TMEM107: variants seen among roughly 807,000 people sequenced by gnomAD.
TMEM107 encodes the protein transmembrane protein 107.
Under a neutral mutation model 16.8 loss-of-function variants are expected in TMEM107, and 18 were observed. The ratio of observed to expected loss-of-function variants is 1.07; its 90% CI spans 0.74 to 1.59. The LOEUF (loss-of-function observed/expected upper bound fraction) is 1.59, where lower values mean the gene tolerates loss of function less well. TMEM107 is among the 40% of genes most tolerant of loss of function. The pLI is 0.00. For synonymous variants in TMEM107, 68 were observed against 71.6 expected (o/e 0.95, Z 0.25); for missense variants, 152 against 175.4 (o/e 0.87, Z 0.75).
rs796255132 is a variant in TMEM107 at position 8,173,351 on chromosome 17, CAAA to C, written c.*849_*851del. ...TAGACAAACAGCAATAGCAAGACTG[CAAA>C]ATAGACAAACAGCAAGGTTATCCCA... On this transcript the variant is annotated 3_prime_UTR_variant, in exon 5 of 5. Transcript: ENST00000437139. The C allele has an allele frequency of 3.8e-5, 23 of 605,434 alleles. No individual in the cohort carries two copies. The African/African-American group carries it at 3.9e-4, about 10-fold the overall frequency. The allele number at this position is 605,434 out of a possible 1,614,324, so 37.5% of individuals were successfully genotyped here. A position where few individuals can be genotyped will look rare whatever the true frequency, so the allele number is the denominator to read the frequency against.
Position 8,172,789 on chromosome 17 carries a change from T to C in TMEM107, c.*1414A>G, listed in dbSNP as rs1983633138. Among the ~76,000 whole-genome samples the C allele has an allele frequency of 7.1e-6, 1 of 140,216 alleles. No individual in the cohort carries two copies. Among genetic ancestry groups the C allele is most frequent in the Admixed American group, 7.9e-5 (1 of 12,716 alleles). The allele number at this position is 140,216 out of a possible 152,430, so 92.0% of individuals were successfully genotyped here. The stretch of plus-strand genomic sequence containing the variant: ...TCATCTGAGCCTGGGAGTTTGAGGC[T>C]GCAGTGAGCCATGATCCCACCACTG... On this transcript the variant is annotated 3_prime_UTR_variant, in exon 5 of 5. Transcript: ENST00000437139.
chr17:8,174,483 T>G, intron 4 of TMEM107, 37 bp downstream of exon 4: 1 of 1,600,482 alleles, frequency 6.2e-7, no homozygotes, highest in Non-Finnish European at 8.6e-7. Flanking sequence ...AGGGCCAACC[T>G]TCCTCCCTCA....
chr17:8,172,605 G>A lies in TMEM107; in HGVS notation c.*1598C>T, dbSNP rs1011679737. ...ATGCCTGTATCCTAGCACTTTAGGA[G>A]GCCTAGAGGCCTAGTGGGGAGGACG... is the stretch of plus-strand genomic sequence containing the variant. On this transcript the variant is annotated 3_prime_UTR_variant, in exon 5 of 5. Transcript: ENST00000437139. Among the ~76,000 whole-genome samples, 4 of 151,998 alleles carry A rather than the reference G, an allele frequency of 2.6e-5. No individual in the cohort carries two copies. Among genetic ancestry groups the A allele is most frequent in the Admixed American group, 2.6e-4 (4 of 15,248 alleles).
At position 8,173,825 on chromosome 17, in the gene TMEM107, T is replaced by C. The variant is rs1399351262; in HGVS notation, c.*378A>G. On this transcript the variant is annotated 3_prime_UTR_variant, in exon 5 of 5. Transcript: ENST00000437139. ...TGCCGGACGTTCTAACTGTACGCAC[T>C]TTCTATTTACATATCTCCGCCCACT... 4.0e-6 allele frequency: 2 copies of C among 498,242 alleles called. No individual in the cohort carries two copies. Among genetic ancestry groups the C allele is most frequent in the African/African-American group, 2.0e-5 (1 of 51,220 alleles). The allele number at this position is 498,242 out of a possible 1,614,324, so 30.9% of individuals were successfully genotyped here.
At chr17:8,174,859 A>T in intron 3 of TMEM107, 1 of 519,248 alleles carries the variant, frequency 1.9e-6, no homozygotes. Context: ...GCCAGCCTGG[A>T]TCCTTCAGAT....
chr17:8,175,836 G>A lies in TMEM107; in HGVS notation c.177C>T (p.Val59=). The change falls in exon 3 of 5, where the codon GTC becomes GTT. Residue 59 remains valine (V), a synonymous_variant. Transcript: ENST00000437139. The part of the protein sequence containing the change: ...QDIQLVAALS[V]TLGLFAVELA... ...GCTCCACTGCAAAGAGGCCCAGGGT[G>A]ACAGAGAGCGCGGCCACCAGCCTGC... is the stretch of plus-strand genomic sequence containing the variant. The A allele has an allele frequency of 6.2e-7, 1 of 1,614,208 alleles. No individual in the cohort carries two copies. The highest frequency in any genetic ancestry group is 1.1e-5 in the South Asian group (1 of 91,084).
Position 8,173,974 on chromosome 17 carries a change from C to A in TMEM107, c.*229G>T. The A allele has an allele frequency of 1.8e-6, 1 of 543,314 alleles. No homozygotes were observed. Among genetic ancestry groups the A allele is most frequent in the Non-Finnish European group, 3.3e-6 (1 of 305,448 alleles). The allele number at this position is 543,314 out of a possible 1,614,324, so 33.7% of individuals were successfully genotyped here. ...CAGTAGTTCAGCCATCTCAATTGTC[C>A]CCTAAAACTGTATATAAGTCTTAAT... On this transcript the variant is annotated 3_prime_UTR_variant, in exon 5 of 5. Coordinates refer to ENST00000437139, the MANE Select transcript of TMEM107 (RefSeq NM_183065.4).
In TMEM107 at chr17:8,175,943, C is replaced by G. The variant is rs755941285; in HGVS notation, c.155+16G>C. On this transcript the variant is annotated intron_variant, in intron 2 of 4. Transcript: ENST00000437139. ...CACCACCTCTTCGTTCTGGCCACCC[C>G]GTCCCAAGAGCTCACTGAATGTCCT... The G allele has an allele frequency of 6.2e-7, 1 of 1,614,210 alleles. No individual in the cohort carries two copies.
rs1567550049 is a variant in TMEM107, at chr17:8,173,471, A to G, written c.*732T>C. On this transcript the variant is annotated 3_prime_UTR_variant, in exon 5 of 5. Transcript: ENST00000437139. ...CAGAAAGAATCAGACAGGAGCAATC[A>G]GGGTGTTGCAAGTCCTGATTACGCA... The G allele has an allele frequency of 1.3e-6, 1 of 764,646 alleles. No individual in the cohort carries two copies. The highest frequency in any genetic ancestry group is 1.7e-5 in the Admixed American group (1 of 58,994). 47.4% of individuals were successfully genotyped at this position (764,646 alleles called of 1,614,324 possible). A position where few individuals can be genotyped will look rare whatever the true frequency, so the allele number is the denominator to read the frequency against.
chr17:8,173,116 C>A lies in TMEM107; in HGVS notation c.*1087G>T. ...CCTCAAGGAAAAAGAAATACAGTTCCTATTGAATACCATCCTGAGGGCAAC... is the reference window on the plus strand; with the variant it reads ...CCTCAAGGAAAAAGAAATACAGTTCATATTGAATACCATCCTGAGGGCAAC... On this transcript the variant is annotated 3_prime_UTR_variant, in exon 5 of 5. Coordinates refer to ENST00000437139, the MANE Select transcript of TMEM107 (RefSeq NM_183065.4). 4.4e-6 allele frequency: 1 copy of A among 229,186 alleles called. No homozygotes were observed. The highest frequency in any genetic ancestry group is 8.7e-6 in the Non-Finnish European group (1 of 114,488). The allele number at this position is 229,186 out of a possible 1,614,324, so 14.2% of individuals were successfully genotyped here.
Position 8,173,263 on chromosome 17 carries a change from C to A in TMEM107, c.*940G>T. Reference sequence around the variant, plus strand: ...TTGTATTATTTCACTGCCTAAATTCCAGAAAGCAACAAAAACCAAATCACA... The same window carrying A: ...TTGTATTATTTCACTGCCTAAATTCAAGAAAGCAACAAAAACCAAATCACA... On this transcript the variant is annotated 3_prime_UTR_variant, in exon 5 of 5. Transcript: ENST00000437139. 1 of 511,414 alleles carries A rather than the reference C, an allele frequency of 2.0e-6. No individual in the cohort carries two copies. The allele number at this position is 511,414 out of a possible 1,614,324, so 31.7% of individuals were successfully genotyped here.
Position 8,173,539 on chromosome 17 carries a change from T to TG in TMEM107, c.*663_*664insC, listed in dbSNP as rs763286690. The TG allele has an allele frequency of 1.8e-3, 1,415 of 765,440 alleles. 4 individuals carry two copies. Among genetic ancestry groups the TG allele is most frequent in the Non-Finnish European group, 2.9e-3 (1,219 of 418,006 alleles). The allele number at this position is 765,440 out of a possible 1,614,324, so 47.4% of individuals were successfully genotyped here. On this transcript the variant is annotated 3_prime_UTR_variant, in exon 5 of 5. Coordinates refer to ENST00000437139, the MANE Select transcript of TMEM107 (RefSeq NM_183065.4). Reference sequence around the variant, plus strand: ...TCATGCATCTCCAATCATCATGTTCTAATCTGCCCTCCGGAGGAGGAACAG... The same window carrying TG: ...TCATGCATCTCCAATCATCATGTTCTGAATCTGCCCTCCGGAGGAGGAACAG...
chr17:8,174,284 A>G lies in TMEM107; in HGVS notation c.354-12T>C, dbSNP rs1288491257. On this transcript the variant is annotated splice_polypyrimidine_tract_variant and intron_variant, in intron 4 of 4. Transcript: ENST00000437139. The stretch of plus-strand genomic sequence containing the variant: ...CAGCTGGAAGGGCACTACCAAGGCA[A>G]GTGGTAGATTCAGAAACCCTTTCAG... The G allele has an allele frequency of 1.2e-6, 2 of 1,612,112 alleles. No homozygotes were observed. The highest frequency in any genetic ancestry group is 4.5e-5 in the East Asian group (2 of 44,882).
In TMEM107 at chr17:8,173,374, A is replaced by T. The variant is rs867849496; in HGVS notation, c.*829T>A. 1.5e-6 allele frequency: 1 copy of T among 670,916 alleles called. No homozygotes were observed. Among genetic ancestry groups the T allele is most frequent in the South Asian group, 1.6e-5 (1 of 60,616 alleles). 41.6% of individuals were successfully genotyped at this position (670,916 alleles called of 1,614,324 possible). ...TGCAAAATAGACAAACAGCAAGGTT[A>T]TCCCAGTCAGAACTTCATAGCTATG... On this transcript the variant is annotated 3_prime_UTR_variant, in exon 5 of 5. Transcript: ENST00000437139.
chr17:8,176,357 G>T lies in TMEM107; in HGVS notation c.-71C>A, dbSNP rs557609856. 1.2e-5 allele frequency: 15 copies of T among 1,284,920 alleles called. No homozygotes were observed. The highest frequency in any genetic ancestry group is 2.4e-5 in the East Asian group (1 of 40,920). The allele number at this position is 1,284,920 out of a possible 1,614,324, so 79.6% of individuals were successfully genotyped here. ...AGACAGCGACTCCTGAAGTCTCCCC[G>T]CAAGCCGACAAATCTAGACGAACGC... is the stretch of plus-strand genomic sequence containing the variant. On this transcript the variant is annotated 5_prime_UTR_variant, in exon 1 of 5. Coordinates refer to ENST00000437139, the MANE Select transcript of TMEM107 (RefSeq NM_183065.4).
At chr17:8,174,355 G>C in intron 4 of TMEM107, 83 bp from the exon 5 acceptor site, 1 of 1,401,588 alleles carries the variant, frequency 7.1e-7, no homozygotes, top group Admixed American at 1.7e-5. Context: ...CTCTGAAAGT[G>C]TAGGGCAGGT....
Position 8,172,884 on chromosome 17 carries a change from G to T in TMEM107, c.*1319C>A, listed in dbSNP as rs1043174809. ...AAAAAAAAAAAAAAAAACCAAAAGA[G>T]GGGGGTGGTCAACATACCATATGCT... is the stretch of plus-strand genomic sequence containing the variant. On this transcript the variant is annotated 3_prime_UTR_variant, in exon 5 of 5. Transcript: ENST00000437139. 1.5e-5 allele frequency among the ~76,000 whole-genome samples: 2 copies of T among 131,656 alleles called. No individual in the cohort carries two copies. Among genetic ancestry groups the T allele is most frequent in the African/African-American group, 2.9e-5 (1 of 34,560 alleles). 86.4% of individuals were successfully genotyped at this position (131,656 alleles called of 152,430 possible).
Position 8,173,452 on chromosome 17 carries a change from G to GAATCAGACAGGAGC in TMEM107, c.*737_*750dup. 1.3e-6 allele frequency: 1 copy of GAATCAGACAGGAGC among 762,934 alleles called. No homozygotes were observed. Among genetic ancestry groups the GAATCAGACAGGAGC allele is most frequent in the Non-Finnish European group, 2.4e-6 (1 of 417,158 alleles). The allele number at this position is 762,934 out of a possible 1,614,324, so 47.3% of individuals were successfully genotyped here. On this transcript the variant is annotated 3_prime_UTR_variant, in exon 5 of 5. Coordinates refer to ENST00000437139, the MANE Select transcript of TMEM107 (RefSeq NM_183065.4). Reference sequence around the variant, plus strand: ...CACAAATGTAAGTGATCGTCAGAAAGAATCAGACAGGAGCAATCAGGGTGT... The same window carrying GAATCAGACAGGAGC: ...CACAAATGTAAGTGATCGTCAGAAAGAATCAGACAGGAGCAATCAGACAGGAGCAATCAGGGTGT...
rs374183932 is a variant in TMEM107 at position 8,173,509 on chromosome 17, A to G, written c.*694T>C. Reference sequence around the variant, plus strand: ...TCCTGATTACGCAGAGACGTTAATCACGTTTCATGCATCTCCAATCATCAT... The same window carrying G: ...TCCTGATTACGCAGAGACGTTAATCGCGTTTCATGCATCTCCAATCATCAT... On this transcript the variant is annotated 3_prime_UTR_variant, in exon 5 of 5. Coordinates refer to ENST00000437139, the MANE Select transcript of TMEM107 (RefSeq NM_183065.4). 5.2e-6 allele frequency: 4 copies of G among 765,256 alleles called. No individual in the cohort carries two copies. Among genetic ancestry groups the G allele is most frequent in the African/African-American group, 3.4e-5 (2 of 59,138 alleles). 47.4% of individuals were successfully genotyped at this position (765,256 alleles called of 1,614,324 possible).
Sources: gnomAD v4.1 joint callset for allele counts (sites outside exome capture counted in the v4.1 genomes callset) on GRCh38, gnomAD v4.1.1 for gene constraint, MANE v1.5 for transcripts, NCBI Gene and HGNC (gene_info 2026-07-23, HGNC 2026-07-21) for gene names.